USP50: variants seen among roughly 807,000 people sequenced by gnomAD.
The protein encoded by USP50 is ubiquitin specific peptidase 50.
USP50 carries 37 observed loss-of-function variants against 39.2 expected under a neutral mutation model. That is an observed-to-expected ratio of 0.94 (90% CI 0.73 to 1.24). USP50 has a LOEUF of 1.24. Ranked by LOEUF, USP50 falls within the 50% of genes most tolerant of loss-of-function variation. The pLI, the probability that USP50 is intolerant of heterozygous loss-of-function variation, is 0.00. For missense variants in USP50, 374 were observed against 398.2 expected, an observed-to-expected ratio of 0.94 and a Z score of 0.52; for synonymous variants, 139 against 144.5, an observed-to-expected ratio of 0.96 and a Z score of 0.27.
chr15:50,528,955 G>A (rs147456770), intron 6 of USP50, among the ~76,000 whole-genome samples: 11 of 152,232 alleles, frequency 7.2e-5, no homozygotes, highest in Non-Finnish European at 1.2e-4. Context: ...GAGACTGATC[G>A]TTAACACCGT....
At chr15:50,507,018 C>T (rs2052672749) in intron 6 of USP50, 1 of 143,906 alleles carries the variant, frequency 6.9e-6, no homozygotes, top group Non-Finnish European at 1.5e-5. Context: ...TGTGGTGGCT[C>T]ATGCCTGTAA....
chr15:50,538,812 A>G lies in USP50; in HGVS notation c.700T>C (p.Trp234Arg), dbSNP rs775208749. 6.2e-7 allele frequency: 1 copy of G among 1,613,204 alleles called. No homozygotes were observed. Among genetic ancestry groups the G allele is most frequent in the South Asian group, 1.1e-5 (1 of 90,860 alleles). Reference protein sequence around the residue: ...QCFFQQDALTWNNEIHCSFCE... With the variant: ...QCFFQQDALTRNNEIHCSFCE... Reference sequence around the variant, plus strand: ...AAGGAGCAGTGAATTTCGTTGTTCCAGGTCAGTGCGTCTTGTTGAAAAAAA... The same window carrying G: ...AAGGAGCAGTGAATTTCGTTGTTCCGGGTCAGTGCGTCTTGTTGAAAAAAA... Residue 234 changes from tryptophan to arginine, a missense_variant, in exon 5 of 7, where the codon TGG becomes CGG. Physicochemically the swap from Trp to Arg is moderately radical, Grantham distance 101. Coordinates refer to ENST00000532404, the MANE Select transcript of USP50 (RefSeq NM_203494.5).
intron 6 of USP50, chr15:50,508,586 C>G (rs910895436): frequency 1.3e-5 from 2 of 151,944 alleles, no homozygotes; most frequent in African/African-American, 4.8e-5. Flanking sequence ...ACAGAATAAA[C>G]CCTAAAAGAG....
Position 50,541,065 on chromosome 15 carries a change from T to C in USP50, c.644A>G (p.Tyr215Cys), listed in dbSNP as rs1178112491. 6.2e-7 allele frequency: 1 copy of C among 1,613,658 alleles called. No individual in the cohort carries two copies. Among genetic ancestry groups the C allele is most frequent in the Non-Finnish European group, 8.5e-7 (1 of 1,179,584 alleles). ...CATTCCTACCCGAAGGGAGCATTCA[T>C]ATTTGGATGGAATGGGGAGTGAGAA... The part of the protein sequence containing the change: ...TVFSLPIPSK[Y>C]ECSLRDCLQC... Residue 215 changes from tyrosine to cysteine, a missense_variant, in exon 4 of 7, where the codon TAT (tyrosine) becomes TGT (cysteine). By Grantham distance (194) the Tyr-to-Cys change is radical. Transcript: ENST00000532404.
At chr15:50,495,488 G>GC (rs1358060851) in intron 1 of USP50, among the ~76,000 whole-genome samples, 4 of 148,484 alleles carry the variant, frequency 2.7e-5, no homozygotes, top group Non-Finnish European at 5.9e-5. Context: ...GAGATTGGAG[G>GC]GGGGGGTCTC....
At position 50,521,417 on chromosome 15, in the gene USP50, TA is replaced by T. The variant is rs144103549; in HGVS notation, c.936+8379del. Reference sequence around the variant, plus strand: ...ACATGTACCTTGTATGTACAATTATTATGTATTAATTTTAAAAACAATTTCA... The same window carrying T: ...ACATGTACCTTGTATGTACAATTATTTGTATTAATTTTAAAAACAATTTCA... On this transcript the variant is annotated intron_variant, in intron 6 of 6. Transcript: ENST00000532404. 2.7e-3 allele frequency among the ~76,000 whole-genome samples: 408 copies of T among 152,328 alleles called. 2 individuals carry two copies. Among genetic ancestry groups the T allele is most frequent in the African/African-American group, 9.5e-3 (394 of 41,572 alleles).
intron 6 of USP50, among the ~76,000 whole-genome samples, chr15:50,519,195 G>A (rs962926465): frequency 6.6e-6 from 1 of 152,130 alleles, no homozygotes; most frequent in Non-Finnish European, 1.5e-5. Flanking sequence ...GTTGAGGTGG[G>A]AGAATCCCTT....
intron 6 of USP50, chr15:50,504,284 G>A (rs1222758501): frequency 6.6e-6 from 1 of 152,222 alleles, no homozygotes; most frequent in African/African-American, 2.4e-5. Flanking sequence ...CAACGTTTTT[G>A]GGGGATGGAG....
intron 4 of USP50, among the ~76,000 whole-genome samples, chr15:50,539,819 CA>C (rs1432058402): frequency 5.9e-5 from 9 of 152,134 alleles, no homozygotes; most frequent in Admixed American, 5.9e-4. Flanking sequence ...GGGGGTGGCC[CA>C]TAATAAAGAT....
intron 6 of USP50, among the ~76,000 whole-genome samples, chr15:50,527,095 TC>T (rs2052904233): frequency 1.3e-5 from 2 of 152,220 alleles, no homozygotes; most frequent in Non-Finnish European, 2.9e-5. Context: ...ATCCTTCCCT[TC>T]TAGTCTACAG....
At position 50,533,137 on chromosome 15, in the gene USP50, C is replaced by T. The variant is rs2052954292; in HGVS notation, c.804-3208G>A. 6.0e-5 allele frequency among the ~76,000 whole-genome samples: 9 copies of T among 151,206 alleles called. No individual in the cohort carries two copies. In the South Asian group the frequency reaches 1.7e-3, roughly 28 times the overall value. On this transcript the variant is annotated intron_variant, in intron 5 of 6. Transcript: ENST00000532404. ...CCTGGGCAACAAAGTAAAAGCCCCTCCCCCTGCCCCCACCATGCCTCCTAA... is the reference window on the plus strand; with the variant it reads ...CCTGGGCAACAAAGTAAAAGCCCCTTCCCCTGCCCCCACCATGCCTCCTAA...
At chr15:50,534,671 T>C (rs535490571) in intron 5 of USP50, among the ~76,000 whole-genome samples, 1 of 152,252 alleles carries the variant, frequency 6.6e-6, no homozygotes, top group South Asian at 2.1e-4. Context: ...GAGGAAAATA[T>C]ACCATCCTAC....
intron 6 of USP50, among the ~76,000 whole-genome samples, chr15:50,525,809 TTAA>T (rs994209342): frequency 3.7e-5 from 1 of 26,764 alleles, no homozygotes; most frequent in African/African-American, 1.7e-4. Context: ...AAAAATAATA[TTAA>T]TGAGTTTAAA....
chr15:50,498,753 CT>C (rs761063899), downstream of USP50: 16 of 1,574,524 alleles, frequency 1.0e-5, no homozygotes, highest in South Asian at 1.8e-4. Context: ...GAACTGAAGA[CT>C]TTTTGTTTCA....
intron 3 of USP50, 29 bp from the exon 4 acceptor site, chr15:50,541,293 T>C (rs370066965): frequency 1.9e-6 from 3 of 1,578,770 alleles, no homozygotes; most frequent in African/African-American, 1.3e-5. Flanking sequence ...TTCACCCAAA[T>C]TAATTATTGG....
chr15:50,539,284 T>C (rs980075335), intron 4 of USP50, among the ~76,000 whole-genome samples: 2 of 151,614 alleles, frequency 1.3e-5, no homozygotes, highest in Non-Finnish European at 2.9e-5. Flanking sequence ...AATCTTTATA[T>C]TTTTAGTAGA....
In USP50 at chr15:50,541,241, T is replaced by C; in HGVS notation, c.468A>G (p.Ser156=). The C allele has an allele frequency of 1.9e-6, 3 of 1,613,816 alleles. No homozygotes were observed. Among genetic ancestry groups the C allele is most frequent in the Non-Finnish European group, 2.5e-6 (3 of 1,179,820 alleles). Residue 156 remains serine, a synonymous_variant, in exon 4 of 7, where the codon TCA becomes TCG. Coordinates refer to ENST00000532404, the MANE Select transcript of USP50 (RefSeq NM_203494.5). Reference sequence around the variant, plus strand: ...ATCTCTGAGTAGATCCTTTCTCATATGATCTTCTCCGGGAGTAGTGGTACT... The same window carrying C: ...ATCTCTGAGTAGATCCTTTCTCATACGATCTTCTCCGGGAGTAGTGGTACT... ...LKKYHYSRRR[S]YEKGSTQRCC...
chr15:50,493,990 T>C, downstream of USP50: 1 of 1,469,772 alleles, frequency 6.8e-7, no homozygotes, highest in South Asian at 1.1e-5. Flanking sequence ...TAATTTCATG[T>C]TGACATCAAG....
At chr15:50,525,540 A>ATACATG (rs1555395182) in intron 6 of USP50, among the ~76,000 whole-genome samples, 1 of 84,192 alleles carries the variant, frequency 1.2e-5, no homozygotes, top group African/African-American at 4.8e-5. Context: ...ATGTATATGT[A>ATACATG]TATATGTATA....
Sources: gnomAD v4.1 joint callset for allele counts (sites outside exome capture counted in the v4.1 genomes callset) on GRCh38, gnomAD v4.1.1 for gene constraint, MANE v1.5 for transcripts, NCBI Gene and HGNC (gene_info 2026-07-23, HGNC 2026-07-21) for gene names.